Variants in SOCS7 observed in about 807,000 individuals in gnomAD.
SOCS7 encodes the protein suppressor of cytokine signaling 7, also known as NAP-4.
SOCS7 carries 18 observed loss-of-function variants against 58.9 expected under a neutral mutation model. That is an observed-to-expected ratio of 0.31 (90% CI 0.21 to 0.45). The LOEUF (loss-of-function observed/expected upper bound fraction) is 0.45, where lower values mean the gene tolerates loss of function less well. Among genes scored for constraint, SOCS7 ranks in the 20% least tolerant of loss-of-function variants. SOCS7 has a pLI of 1.00. For synonymous variants in SOCS7, 388 were observed against 364.3 expected, an observed-to-expected ratio of 1.06 and a Z score of -0.74; for missense variants, 667 against 837.3, an observed-to-expected ratio of 0.80 and a Z score of 2.51.
chr17:38,376,984 C>T (rs1001428445), intron 6 of SOCS7, among the ~76,000 whole-genome samples: 2 of 152,192 alleles, frequency 1.3e-5, no homozygotes, highest in Admixed American at 6.5e-5. Flanking sequence ...ACATGCTATA[C>T]AGGTCTGTAG....
chr17:38,365,426 G>A lies in SOCS7; in HGVS notation c.1252+17G>A, dbSNP rs774696887. On this transcript the variant is annotated intron_variant, in intron 4 of 9. Transcript: ENST00000612932. Reference sequence around the variant, plus strand: ...ATGCCCCAGGTTAGCTTAGTTTAGAGGCAAGACTTGTAAGAGTTGGGAGTA... The same window carrying A: ...ATGCCCCAGGTTAGCTTAGTTTAGAAGCAAGACTTGTAAGAGTTGGGAGTA... 2.6e-6 allele frequency: 4 copies of A among 1,546,622 alleles called. 1 individual carries two copies. The South Asian group carries it at 4.6e-5, about 18-fold the overall frequency.
At chr17:38,376,731 C>CAA (rs771819531) in intron 6 of SOCS7, among the ~76,000 whole-genome samples, 1 of 119,836 alleles carries the variant, frequency 8.3e-6, no homozygotes, top group Non-Finnish European at 1.8e-5. Flanking sequence ...GACCCTGTCG[C>CAA]AAAAAAAAAA....
chr17:38,381,395 C>CT (rs1023271962), intron 7 of SOCS7, among the ~76,000 whole-genome samples: 25 of 152,090 alleles, frequency 1.6e-4, no homozygotes, highest in African/African-American at 6.0e-4. Context: ...AGGTTGAGCT[C>CT]TGTCAGTCTG....
intron 4 of SOCS7, 115 bp from the exon 5 acceptor site, chr17:38,366,172 T>G (rs1001006268): frequency 1.4e-6 from 2 of 1,433,398 alleles, no homozygotes; most frequent in Admixed American, 4.8e-5. Context: ...CCTTTCCAGC[T>G]TAGCTTCTAA....
intron 7 of SOCS7, among the ~76,000 whole-genome samples, chr17:38,385,409 CG>C: frequency 6.6e-6 from 1 of 150,558 alleles, no homozygotes; most frequent in East Asian, 1.9e-4. Context: ...GGGGGAGCAG[CG>C]TGACAGCATT....
At chr17:38,377,362 G>C (rs974247724) in intron 6 of SOCS7, among the ~76,000 whole-genome samples, 5 of 152,130 alleles carry the variant, frequency 3.3e-5, no homozygotes, top group African/African-American at 7.2e-5. Context: ...TTGGATTTCA[G>C]AGTTTTGGAT....
In SOCS7 at chr17:38,351,996, G is replaced by A. The variant is rs998231015; in HGVS notation, c.-57G>A. Among the ~76,000 whole-genome samples the A allele has an allele frequency of 1.3e-5, 2 of 150,960 alleles. 1 individual carries two copies. The highest frequency in any genetic ancestry group is 1.3e-4 in the Admixed American group (2 of 15,160). On this transcript the variant is annotated 5_prime_UTR_variant, in exon 1 of 10. Coordinates refer to ENST00000612932, the MANE Select transcript of SOCS7 (RefSeq NM_014598.4). Reference sequence around the variant, plus strand: ...GGCGGGCGGGGCTCCGGCGGGGCCCGGCCTAGTCCCCACCCCAGCCCGGCT... The same window carrying A: ...GGCGGGCGGGGCTCCGGCGGGGCCCAGCCTAGTCCCCACCCCAGCCCGGCT...
intron 7 of SOCS7, among the ~76,000 whole-genome samples, chr17:38,389,801 T>C (rs1302449773): frequency 9.0e-6 from 1 of 110,578 alleles, no homozygotes; most frequent in African/African-American, 3.0e-5. Context: ...GCTTTTACAT[T>C]AGGTCTACTA....
chr17:38,369,082 T>C (rs141801519), intron 6 of SOCS7, among the ~76,000 whole-genome samples: 1 of 152,352 alleles, frequency 6.6e-6, no homozygotes, highest in Non-Finnish European at 1.5e-5. Flanking sequence ...GGTCATTGTT[T>C]CTGAGGCTGG....
chr17:38,367,814 A>G (rs1428330659), intron 5 of SOCS7, 68 bp from the exon 6 acceptor site: 12 of 1,419,460 alleles, frequency 8.5e-6, no homozygotes, highest in Non-Finnish European at 1.2e-5. Context: ...ATGTTAAGAT[A>G]GATTGCACTG....
In SOCS7 at chr17:38,380,820, C is replaced by T. The variant is rs181590355; in HGVS notation, c.1681+2978C>T. Among the ~76,000 whole-genome samples, 182 of 151,994 alleles carry T rather than the reference C, an allele frequency of 1.2e-3. 1 individual carries two copies. Among genetic ancestry groups the T allele is most frequent in the Admixed American group, 7.9e-3 (120 of 15,238 alleles). ...GTTGCAGTCAGCCAAGATTAAGCCACTGCACTTCAGTCTGGGTGACAGAGG... is the reference window on the plus strand; with the variant it reads ...GTTGCAGTCAGCCAAGATTAAGCCATTGCACTTCAGTCTGGGTGACAGAGG... On this transcript the variant is annotated intron_variant, in intron 7 of 9. Coordinates refer to ENST00000612932, the MANE Select transcript of SOCS7 (RefSeq NM_014598.4).
intron 1 of SOCS7, among the ~76,000 whole-genome samples, chr17:38,354,906 G>A (rs1298251771): frequency 1.3e-5 from 2 of 152,150 alleles, no homozygotes; most frequent in Non-Finnish European, 2.9e-5. Flanking sequence ...GACATTATAC[G>A]GTTTTTTGCC....
intron 9 of SOCS7, among the ~76,000 whole-genome samples, chr17:38,398,336 G>A (rs1175380704): frequency 1.3e-5 from 2 of 149,120 alleles, no homozygotes; most frequent in Non-Finnish European, 3.0e-5. Context: ...TCCATCTCCC[G>A]GGTTCAAGCA....
intron 7 of SOCS7, among the ~76,000 whole-genome samples, chr17:38,384,891 CTTTTTTTTTTTTTTTT>C (rs71138614): frequency 1.3e-5 from 1 of 76,640 alleles, no homozygotes; most frequent in Non-Finnish European, 2.4e-5. Context: ...GCACCCAGCT[CTTTTTTTTTTTTTTTT>C]TTTTTTTTGA....
rs1387190119 is a variant in SOCS7, at chr17:38,352,427, G to A, written c.375G>A (p.Ala125=). ...GPAAGLEAQL[A]ALGLGQPAGP... is the part of the protein sequence containing the mutation. ...CGGCTGGACTAGAGGCGCAGTTGGC[G>A]GCTCTGGGGCTCGGGCAGCCGGCGG... The change falls in exon 1 of 10, where the codon GCG becomes GCA. Residue 125 remains alanine (A), a synonymous_variant. Transcript: ENST00000612932. The surrounding 1 kb of genome is among the most constrained non-coding windows in gnomAD (Gnocchi z 5.5). 6.9e-7 allele frequency: 1 copy of A among 1,449,304 alleles called. No homozygotes were observed. Among genetic ancestry groups the A allele is most frequent in the South Asian group, 1.5e-5 (1 of 68,418 alleles). The allele number at this position is 1,449,304 out of a possible 1,614,324, so 89.8% of individuals were successfully genotyped here.
At chr17:38,386,501 A>G (rs1285706175) in intron 7 of SOCS7, among the ~76,000 whole-genome samples, 1 of 151,876 alleles carries the variant, frequency 6.6e-6, no homozygotes, top group African/African-American at 2.4e-5. Flanking sequence ...CCTTTTAGCA[A>G]GATTATATAG....
rs1204242617 is a variant in SOCS7 at position 38,403,154 on chromosome 17, AAG to A, written c.*3673_*3674del. On this transcript the variant is annotated 3_prime_UTR_variant, in exon 10 of 10. Coordinates refer to ENST00000612932, the MANE Select transcript of SOCS7 (RefSeq NM_014598.4). ...AGGTGGCGCCACCTCCCTGAGGAGA[AAG>A]GTGTGGCCAAAGGAAACTCCTGCAT... 2 of 151,856 alleles carry A rather than the reference AAG, an allele frequency of 1.3e-5. No individual in the cohort carries two copies. Among genetic ancestry groups the A allele is most frequent in the African/African-American group, 4.8e-5 (2 of 41,328 alleles). 9.4% of individuals were successfully genotyped at this position (151,856 alleles called of 1,614,324 possible).
rs868678181 is a variant in SOCS7, at chr17:38,365,930, G to A, written c.1253-357G>A. ...CATTACTCTTCCTGGGCAAGTAAGC[G>A]AGTCACTATTTCCAAGGCTGCCTTA... On this transcript the variant is annotated intron_variant, in intron 4 of 9. Transcript: ENST00000612932. 1.1e-5 allele frequency: 11 copies of A among 1,019,512 alleles called. No homozygotes were observed. The African/African-American group carries it at 1.4e-4, about 13-fold the overall frequency. 63.2% of individuals were successfully genotyped at this position (1,019,512 alleles called of 1,614,324 possible).
intron 1 of SOCS7, among the ~76,000 whole-genome samples, chr17:38,354,829 C>A (rs1047729582): frequency 1.3e-5 from 2 of 152,102 alleles, no homozygotes; most frequent in East Asian, 3.8e-4. Context: ...TCCAGAGACG[C>A]CAAATACGAG....
Sources: allele counts gnomAD v4.1 joint callset (sites outside exome capture counted in the v4.1 genomes callset), GRCh38; gene constraint gnomAD v4.1.1; non-coding constraint Gnocchi (gnomAD v3.1); transcripts MANE v1.5; gene names NCBI Gene and HGNC (gene_info 2026-07-23, HGNC 2026-07-21).